PIK3R3: variants seen among roughly 807,000 people sequenced by gnomAD.
PIK3R3 encodes phosphatidylinositol 3-kinase regulatory subunit gamma.
A neutral mutation model predicts 62.9 loss-of-function variants in PIK3R3; 64 were observed. The ratio of observed to expected loss-of-function variants is 1.02; its 90% CI spans 0.83 to 1.25. PIK3R3 has a LOEUF of 1.25. Among genes scored for constraint, PIK3R3 ranks in the 50% most tolerant of loss-of-function variants. The pLI is 0.00. For synonymous variants in PIK3R3, 165 were observed against 189.0 expected (o/e 0.87, Z 1.04); for missense variants, 614 against 561.6 (o/e 1.09, Z -0.94).
chr1:46,079,997 G>A (rs1024989204), intron 2 of PIK3R3, among the ~76,000 whole-genome samples: 1 of 151,292 alleles, frequency 6.6e-6, no homozygotes, highest in Non-Finnish European at 1.5e-5. Flanking sequence ...TTTTTCATGG[G>A]AAGAAAAGTA....
intron 1 of PIK3R3, among the ~76,000 whole-genome samples, chr1:46,111,053 A>G (rs1653700876): frequency 6.6e-6 from 1 of 150,504 alleles, no homozygotes; most frequent in Non-Finnish European, 1.5e-5. Context: ...CTCTAACAAA[A>G]TCTCTAGCAC....
chr1:46,107,675 A>G (rs1271202695), intron 1 of PIK3R3, among the ~76,000 whole-genome samples: 1 of 152,222 alleles, frequency 6.6e-6, no homozygotes, highest in Admixed American at 6.5e-5. Context: ...GATTATCTCC[A>G]AAGTCTTTCT....
the PIK3R3 span, among the ~76,000 whole-genome samples, chr1:46,169,107 T>G: frequency 6.6e-6 from 1 of 152,212 alleles, no homozygotes; most frequent in Non-Finnish European, 1.5e-5. Context: ...ATGGACCACT[T>G]CTTCCTGAAA....
intron 1 of PIK3R3, among the ~76,000 whole-genome samples, chr1:46,089,490 C>T (rs1426249124): frequency 8.6e-5 from 13 of 151,964 alleles, no homozygotes; most frequent in South Asian, 4.2e-4. Flanking sequence ...CCAAGGTGGG[C>T]GGATCACGAG....
At chr1:46,136,622 A>C (rs72677556), upstream of PIK3R3, among the ~76,000 whole-genome samples, 22,669 of 152,172 alleles carry the variant, frequency 0.15, 2,035 homozygotes, top group Middle Eastern at 0.2. Flanking sequence ...GCATTCCCCT[A>C]GATGCTGCTG....
intron 1 of PIK3R3, among the ~76,000 whole-genome samples, chr1:46,098,179 T>C (rs1652328658): frequency 6.6e-6 from 1 of 152,126 alleles, no homozygotes; most frequent in Admixed American, 6.5e-5. Context: ...TCATTAGTCA[T>C]TAGGAAAATG....
At chr1:46,083,942 T>G (rs767835781) in intron 1 of PIK3R3, among the ~76,000 whole-genome samples, 1 of 152,242 alleles carries the variant, frequency 6.6e-6, no homozygotes, top group South Asian at 2.1e-4. Flanking sequence ...AAAAGAAGCA[T>G]GTATCTACAC....
chr1:46,099,215 A>AT (rs1652427920), intron 1 of PIK3R3, among the ~76,000 whole-genome samples: 1 of 152,230 alleles, frequency 6.6e-6, no homozygotes, highest in African/African-American at 2.4e-5. Flanking sequence ...TTAAAACAGA[A>AT]TTTTATCAGA....
chr1:46,093,696 C>T (rs1198536990), intron 1 of PIK3R3, among the ~76,000 whole-genome samples: 1 of 151,624 alleles, frequency 6.6e-6, no homozygotes, highest in African/African-American at 2.4e-5. Flanking sequence ...TTAAGACCAG[C>T]CTAGGCAAAT....
At chr1:46,078,437 G>C (rs1243101824) in intron 2 of PIK3R3, among the ~76,000 whole-genome samples, 1 of 152,280 alleles carries the variant, frequency 6.6e-6, no homozygotes, top group Non-Finnish European at 1.5e-5. Flanking sequence ...AGCTACTTGG[G>C]AGGCTGAGAC....
At chr1:46,148,857 C>T in the PIK3R3 span, among the ~76,000 whole-genome samples, 1 of 151,602 alleles carries the variant, frequency 6.6e-6, no homozygotes, top group African/African-American at 2.4e-5. Context: ...TCTCCATCAA[C>T]CTTTAGGCAT....
At chr1:46,118,395 C>T (rs1654369429) in intron 1 of PIK3R3, among the ~76,000 whole-genome samples, 1 of 152,084 alleles carries the variant, frequency 6.6e-6, no homozygotes, top group African/African-American at 2.4e-5. Flanking sequence ...TTTCCACCAG[C>T]AGCCAGAATG....
At chr1:46,160,894 G>C in the PIK3R3 span, among the ~76,000 whole-genome samples, 1 of 152,056 alleles carries the variant, frequency 6.6e-6, no homozygotes, top group East Asian at 1.9e-4. Context: ...AGGAAAATGG[G>C]GAGACCGTAA....
At chr1:46,118,224 AAGTC>A (rs1310000745) in intron 1 of PIK3R3, among the ~76,000 whole-genome samples, 2 of 152,260 alleles carry the variant, frequency 1.3e-5, no homozygotes, top group Non-Finnish European at 2.9e-5. Context: ...TAAAGTGAGT[AAGTC>A]AGTTTGGAAA....
At chr1:46,078,069 C>T (rs1293705877) in intron 2 of PIK3R3, among the ~76,000 whole-genome samples, 2 of 151,964 alleles carry the variant, frequency 1.3e-5, no homozygotes, top group South Asian at 2.1e-4. Flanking sequence ...GAATTTGTCC[C>T]GATAACAAAT....
rs563801455 is a variant in PIK3R3 at position 46,044,789 on chromosome 1, C to T, written c.1188-918G>A. On this transcript the variant is annotated intron_variant, in intron 9 of 9. Transcript: ENST00000262741. This position sits in a 1 kb window ranked among gnomAD's most constrained non-coding sequence, Gnocchi z 4.2. ...CAGCCTACTAATAATACTTATTTCA[C>T]AGTGGTTCTATTCATTGTGGATATT... Among the ~76,000 whole-genome samples, 94 of 152,298 alleles carry T rather than the reference C, an allele frequency of 6.2e-4. No homozygotes were observed. The highest frequency in any genetic ancestry group is 6.8e-3 in the Middle Eastern group (2 of 294).
chr1:46,077,665 C>G, intron 2 of PIK3R3, 52 bp from the exon 3 acceptor site: 1 of 1,114,400 alleles, frequency 9.0e-7, no homozygotes, highest in Middle Eastern at 2.0e-4. Flanking sequence ...CTGGTGGCTT[C>G]GGCAGTAGGT....
At chr1:46,126,534 T>C (rs1308169149) in intron 1 of PIK3R3, among the ~76,000 whole-genome samples, 1 of 148,482 alleles carries the variant, frequency 6.7e-6, no homozygotes, top group Non-Finnish European at 1.5e-5. Flanking sequence ...TGAGACCCTG[T>C]CTCAAAAAAA....
chr1:46,066,768 G>A lies in PIK3R3; in HGVS notation c.495+143C>T, dbSNP rs1649030218. ...TTCATGCCACTGCAATCCAGCCTGG[G>A]CAACAGAGACCCTGTCTCAAAGTAA... On this transcript the variant is annotated intron_variant, in intron 4 of 9. Transcript: ENST00000262741. 4 of 720,134 alleles carry A rather than the reference G, an allele frequency of 5.6e-6. No homozygotes were observed. The South Asian group carries it at 6.8e-5, about 12-fold the overall frequency. The allele number at this position is 720,134 out of a possible 1,614,324, so 44.6% of individuals were successfully genotyped here.
Sources: allele counts gnomAD v4.1 joint callset (sites outside exome capture counted in the v4.1 genomes callset), GRCh38; gene constraint gnomAD v4.1.1; non-coding constraint Gnocchi (gnomAD v3.1); transcripts MANE v1.5; gene names NCBI Gene and HGNC (gene_info 2026-07-23, HGNC 2026-07-21).